Variants in HOMER1 observed in about 807,000 individuals in gnomAD.
The protein encoded by HOMER1 is homer scaffold protein 1, also known as homer protein homolog 1.
In HOMER1, 3 loss-of-function variants were observed where a neutral mutation model predicts 48.9. The observed-to-expected ratio is 0.06, with a 90% CI of 0.03 to 0.16. The LOEUF (loss-of-function observed/expected upper bound fraction) is 0.16. Ranked by LOEUF, HOMER1 falls within the 10% of genes least tolerant of loss-of-function variation. The pLI is 1.00. For missense variants in HOMER1, 247 were observed against 411.4 expected, an observed-to-expected ratio of 0.60 and a Z score of 3.46; for synonymous variants, 134 against 146.4, an observed-to-expected ratio of 0.92 and a Z score of 0.61.
intron 5 of HOMER1, among the ~76,000 whole-genome samples, chr5:79,408,490 G>T (rs1749727272): frequency 6.6e-6 from 1 of 151,960 alleles, no homozygotes; most frequent in South Asian, 2.1e-4. Context: ...ATTATAAAAG[G>T]TCCAAAGGTA....
intron 8 of HOMER1, among the ~76,000 whole-genome samples, chr5:79,386,955 CTT>C: frequency 9.0e-6 from 1 of 110,976 alleles, no homozygotes; most frequent in Non-Finnish European, 1.8e-5. Flanking sequence ...CCTTTCCTTT[CTT>C]CCTTCCCTTC....
At position 79,447,177 on chromosome 5, in the gene HOMER1, A is replaced by C. The variant is rs779343874; in HGVS notation, c.295-32T>G. 1.5e-5 allele frequency: 20 copies of C among 1,371,048 alleles called. No individual in the cohort carries two copies. The South Asian group carries it at 2.3e-4, about 16-fold the overall frequency. The allele number at this position is 1,371,048 out of a possible 1,614,324, so 84.9% of individuals were successfully genotyped here. A position where few individuals can be genotyped will look rare whatever the true frequency, so the allele number is the denominator to read the frequency against. On this transcript the variant is annotated intron_variant, in intron 3 of 8. Coordinates refer to ENST00000334082, the MANE Select transcript of HOMER1 (RefSeq NM_004272.5). ...GTATAGAGACTACATACATTAACCAAATAAAAATAGGTCACAGTGCCCACT... is the reference window on the plus strand; with the variant it reads ...GTATAGAGACTACATACATTAACCACATAAAAATAGGTCACAGTGCCCACT...
chr5:79,507,611 C>T (rs1185115915), intron 1 of HOMER1, among the ~76,000 whole-genome samples: 5 of 151,890 alleles, frequency 3.3e-5, no homozygotes, highest in African/African-American at 4.8e-5. Context: ...ATTAAGCACT[C>T]GGCACTCATT....
chr5:79,491,075 CA>C (rs10527802), intron 1 of HOMER1, among the ~76,000 whole-genome samples: 182 of 37,192 alleles, frequency 4.9e-3, no homozygotes, highest in Non-Finnish European at 0.012. Flanking sequence ...AGTACCAAAG[CA>C]AAAAAAAAAA....
At chr5:79,417,136 G>A (rs1008518155) in intron 5 of HOMER1, among the ~76,000 whole-genome samples, 5 of 145,484 alleles carry the variant, frequency 3.4e-5, no homozygotes, top group Non-Finnish European at 6.0e-5. Context: ...TCCCCTCCCC[G>A]CACCCCTACT....
intron 2 of HOMER1, among the ~76,000 whole-genome samples, chr5:79,453,057 G>A (rs990961085): frequency 1.3e-5 from 2 of 152,146 alleles, no homozygotes; most frequent in East Asian, 1.9e-4. Context: ...AACAATAAGA[G>A]GGGCAATATA....
chr5:79,415,533 A>G (rs1450697696), intron 5 of HOMER1, among the ~76,000 whole-genome samples: 1 of 152,216 alleles, frequency 6.6e-6, no homozygotes, highest in African/African-American at 2.4e-5. Context: ...TGTGTACAAA[A>G]GAGGCTGATA....
chr5:79,454,697 C>A (rs6874162), intron 2 of HOMER1, among the ~76,000 whole-genome samples: 50,129 of 151,992 alleles, frequency 0.33, 8,814 homozygotes, highest in African/African-American at 0.45. Context: ...AGGGTCTTAT[C>A]ATCTAGTTAA....
chr5:79,508,331 C>G (rs576080373), intron 1 of HOMER1, among the ~76,000 whole-genome samples: 1 of 152,196 alleles, frequency 6.6e-6, no homozygotes, highest in African/African-American at 2.4e-5. Flanking sequence ...CCATACAAAG[C>G]AAGGGTATTA....
At chr5:79,491,107 A>AAAAC (rs1752262893) in intron 1 of HOMER1, among the ~76,000 whole-genome samples, 1 of 110,862 alleles carries the variant, frequency 9.0e-6, no homozygotes, top group Non-Finnish European at 1.7e-5. Context: ...AAAAAAAAAA[A>AAAAC]AAAGCTTGTC....
chr5:79,391,989 C>T (rs1294917297), intron 8 of HOMER1, among the ~76,000 whole-genome samples: 1 of 152,072 alleles, frequency 6.6e-6, no homozygotes, highest in Non-Finnish European at 1.5e-5. Flanking sequence ...CCAGCAGCTG[C>T]CATATCATCA....
chr5:79,456,526 C>T (rs1751181951), intron 2 of HOMER1, among the ~76,000 whole-genome samples: 1 of 152,196 alleles, frequency 6.6e-6, no homozygotes, highest in African/African-American at 2.4e-5. Context: ...AGAATTAGAG[C>T]TCCTAGAATT....
rs1293012201 is a variant in HOMER1, at chr5:79,513,851, C to G, written c.-1077G>C. On this transcript the variant is annotated 5_prime_UTR_variant, in exon 1 of 9. Coordinates refer to ENST00000334082, the MANE Select transcript of HOMER1 (RefSeq NM_004272.5). ...GCGTTGGGGCCAGGAGAGCTGGGCT[C>G]GAAGCCGAAGCGCAGCCGCCGCTCC... 6.5e-6 allele frequency: 1 copy of G among 153,580 alleles called. No homozygotes were observed. The highest frequency in any genetic ancestry group is 2.4e-5 in the African/African-American group (1 of 41,440). 9.5% of individuals were successfully genotyped at this position (153,580 alleles called of 1,614,324 possible).
At chr5:79,431,784 A>T (rs990117018) in intron 5 of HOMER1, among the ~76,000 whole-genome samples, 1 of 152,228 alleles carries the variant, frequency 6.6e-6, no homozygotes, top group Non-Finnish European at 1.5e-5. Flanking sequence ...CTGTTCAGTC[A>T]TATCTACATT....
chr5:79,438,942 G>T, intron 5 of HOMER1, 68 bp downstream of exon 5: 1 of 1,401,322 alleles, frequency 7.1e-7, no homozygotes, highest in Non-Finnish European at 1.0e-6. Context: ...AACTACAAGG[G>T]TTCCTGAAAC....
Position 79,373,430 on chromosome 5 carries a change from A to G in HOMER1, c.*2579T>C, listed in dbSNP as rs1262596109. The G allele has an allele frequency of 1.3e-5, 2 of 151,974 alleles. No homozygotes were observed. Among genetic ancestry groups the G allele is most frequent in the Non-Finnish European group, 2.9e-5 (2 of 67,928 alleles). The allele number at this position is 151,974 out of a possible 1,614,324, so 9.4% of individuals were successfully genotyped here. A position where few individuals can be genotyped will look rare whatever the true frequency, so the allele number is the denominator to read the frequency against. On this transcript the variant is annotated 3_prime_UTR_variant, in exon 9 of 9. Coordinates refer to ENST00000334082, the MANE Select transcript of HOMER1 (RefSeq NM_004272.5). ...ACATGTTCAGGCTATAGTCCCCAAC[A>G]TTATTTTCTGAGAAATATATTACCA... is the stretch of plus-strand genomic sequence containing the variant.
rs1003973721 is a variant in HOMER1, at chr5:79,373,049, GAGAA to G, written c.*2956_*2959del. On this transcript the variant is annotated 3_prime_UTR_variant, in exon 9 of 9. Coordinates refer to ENST00000334082, the MANE Select transcript of HOMER1 (RefSeq NM_004272.5). ...TAGTCTGCAGAAAGAAAGTGGAAAA[GAGAA>G]AGAGAGAGAGAGGAGAACAAAAACT... 1 of 152,092 alleles carries G rather than the reference GAGAA, an allele frequency of 6.6e-6. No individual in the cohort carries two copies. The highest frequency in any genetic ancestry group is 2.4e-5 in the African/African-American group (1 of 41,424). The allele number at this position is 152,092 out of a possible 1,614,324, so 9.4% of individuals were successfully genotyped here.
chr5:79,444,403 T>G (rs1356366944), intron 4 of HOMER1, among the ~76,000 whole-genome samples: 2 of 152,190 alleles, frequency 1.3e-5, no homozygotes, highest in African/African-American at 2.4e-5. Context: ...CTCTGGCTTC[T>G]GTATATTAAA....
At chr5:79,491,105 A>AAAAAC (rs1752262695) in intron 1 of HOMER1, among the ~76,000 whole-genome samples, 1 of 121,098 alleles carries the variant, frequency 8.3e-6, no homozygotes, top group African/African-American at 3.6e-5. Flanking sequence ...AAAAAAAAAA[A>AAAAAC]AAAAAGCTTG....
Sources: allele counts gnomAD v4.1 joint callset (sites outside exome capture counted in the v4.1 genomes callset), GRCh38; gene constraint gnomAD v4.1.1; transcripts MANE v1.5; gene names NCBI Gene and HGNC (gene_info 2026-07-23, HGNC 2026-07-21).